EVI5: variants seen among roughly 807,000 people sequenced by gnomAD.
EVI5 encodes the protein ecotropic viral integration site 5.
In EVI5, 73 loss-of-function variants were observed where a neutral mutation model predicts 112.0. That is an observed-to-expected ratio of 0.65 (90% CI 0.54 to 0.79). The LOEUF (loss-of-function observed/expected upper bound fraction) is 0.79. EVI5 is among the 30% of genes least tolerant of loss of function. The probability of loss-of-function intolerance (pLI) is 0.00; values close to 1 mark genes in which losing one functional copy is unlikely to be tolerated. For missense variants in EVI5, 900 were observed against 968.8 expected, an observed-to-expected ratio of 0.93 and a Z score of 0.94; for synonymous variants, 305 against 319.9, an observed-to-expected ratio of 0.95 and a Z score of 0.50.
intron 18 of EVI5, among the ~76,000 whole-genome samples, chr1:92,594,317 A>G (rs1647192624): frequency 6.6e-6 from 1 of 152,108 alleles, no homozygotes. Flanking sequence ...AAATGAGGAA[A>G]GGATTCCCTG....
chr1:92,665,262 T>G (rs1267111674), intron 11 of EVI5, among the ~76,000 whole-genome samples: 3 of 152,162 alleles, frequency 2.0e-5, no homozygotes, highest in African/African-American at 7.2e-5. Context: ...TTCAGATGTC[T>G]TTCTTTTAAT....
At chr1:92,780,474 A>T (rs1175290436) in intron 1 of EVI5, among the ~76,000 whole-genome samples, 1 of 152,218 alleles carries the variant, frequency 6.6e-6, no homozygotes, top group Non-Finnish European at 1.5e-5. Context: ...TCAAAGTTGG[A>T]GAGCTTATAT....
Position 92,662,816 on chromosome 1 carries a change from C to T in EVI5, c.1295G>A (p.Arg432Gln), listed in dbSNP as rs1326416626. Residue 432 changes from arginine (R) to glutamine (Q), a missense_variant, in exon 13 of 20, where the codon CGG becomes CAG. Coordinates refer to ENST00000684568, the MANE Select transcript of EVI5 (RefSeq NM_001350197.2). The part of the protein sequence containing the change: ...QEAEENYLIK[R>Q]ELATIKQQSD... Reference sequence around the variant, plus strand: ...CTGCTGTTTGATGGTGGCCAACTCCCGTTTTATGAGGTAGTTTTCCTCAGC... The same window carrying T: ...CTGCTGTTTGATGGTGGCCAACTCCTGTTTTATGAGGTAGTTTTCCTCAGC... 4.7e-6 allele frequency: 6 copies of T among 1,289,228 alleles called. No individual in the cohort carries two copies. The highest frequency in any genetic ancestry group is 6.1e-6 in the Non-Finnish European group (6 of 988,700). 79.9% of individuals were successfully genotyped at this position (1,289,228 alleles called of 1,614,324 possible). A position where few individuals can be genotyped will look rare whatever the true frequency, so the allele number is the denominator to read the frequency against.
intron 1 of EVI5, among the ~76,000 whole-genome samples, chr1:92,790,758 G>T (rs908236659): frequency 6.6e-6 from 1 of 151,350 alleles, no homozygotes; most frequent in South Asian, 2.1e-4. Context: ...GGTGGAGGTT[G>T]CAGTGAGCTG....
chr1:92,695,206 A>T (rs1232495183), intron 7 of EVI5, 104 bp downstream of exon 7: 1 of 888,036 alleles, frequency 1.1e-6, no homozygotes, highest in East Asian at 2.5e-5. Context: ...GCAGTTTTGC[A>T]TGGGACACAT....
chr1:92,538,002 G>A (rs1046415074), intron 19 of EVI5, among the ~76,000 whole-genome samples: 2 of 151,934 alleles, frequency 1.3e-5, no homozygotes, highest in African/African-American at 4.8e-5. Flanking sequence ...AAGTAAAAAA[G>A]GTAGAAAGGA....
intron 16 of EVI5, among the ~76,000 whole-genome samples, chr1:92,616,067 G>A (rs544688005): frequency 1.4e-4 from 22 of 152,222 alleles, no homozygotes; most frequent in Non-Finnish European, 2.8e-4. Flanking sequence ...GTTGAAAGAC[G>A]GACTAGAAGA....
intron 19 of EVI5, among the ~76,000 whole-genome samples, chr1:92,558,985 T>C (rs1668101640): frequency 6.6e-6 from 1 of 152,146 alleles, no homozygotes; most frequent in African/African-American, 2.4e-5. Flanking sequence ...TCCCTCAGTA[T>C]CTGTGGGAGA....
At chr1:92,672,860 CAA>C (rs1666095633) in intron 10 of EVI5, among the ~76,000 whole-genome samples, 2 of 152,120 alleles carry the variant, frequency 1.3e-5, no homozygotes, top group Admixed American at 1.3e-4. Flanking sequence ...ACAAATATAT[CAA>C]AGTCTCTCTT....
intron 13 of EVI5, among the ~76,000 whole-genome samples, chr1:92,638,428 A>AAT (rs1414523948): frequency 5.3e-5 from 8 of 152,172 alleles, no homozygotes; most frequent in Non-Finnish European, 1.2e-4. Flanking sequence ...GAGTTTACAG[A>AAT]ATATAATTCC....
At chr1:92,515,265 A>G (rs1199635147) in intron 19 of EVI5, among the ~76,000 whole-genome samples, 5 of 152,222 alleles carry the variant, frequency 3.3e-5, no homozygotes, top group African/African-American at 7.2e-5. Context: ...TTAGTATTGA[A>G]AAAATTGTGC....
chr1:92,576,538 T>C (rs1459278064), intron 18 of EVI5, among the ~76,000 whole-genome samples: 1 of 144,322 alleles, frequency 6.9e-6, no homozygotes, highest in Non-Finnish European at 1.6e-5. Context: ...TCAAGAGAGA[T>C]AGCTAACAGG....
At chr1:92,726,947 C>T (rs141163849) in intron 2 of EVI5, among the ~76,000 whole-genome samples, 3 of 152,020 alleles carry the variant, frequency 2.0e-5, no homozygotes, top group Non-Finnish European at 2.9e-5. Flanking sequence ...TGAACTATAA[C>T]AAAATCATAA....
chr1:92,695,814 T>A (rs1414991920), intron 6 of EVI5, among the ~76,000 whole-genome samples: 3 of 152,212 alleles, frequency 2.0e-5, no homozygotes, highest in African/African-American at 7.2e-5. Flanking sequence ...AAATGGTATG[T>A]TAAAATACTT....
intron 13 of EVI5, among the ~76,000 whole-genome samples, chr1:92,645,001 T>C (rs1190386489): frequency 6.6e-6 from 1 of 152,188 alleles, no homozygotes; most frequent in Non-Finnish European, 1.5e-5. Context: ...AGGTACAGTG[T>C]TCCATAAATA....
intron 1 of EVI5, among the ~76,000 whole-genome samples, chr1:92,772,668 C>T (rs1019900737): frequency 6.6e-6 from 1 of 151,622 alleles, no homozygotes; most frequent in Non-Finnish European, 1.5e-5. Flanking sequence ...TTTGGGAGGG[C>T]GAGGCAGGTG....
In EVI5 at chr1:92,702,603, C is replaced by T. The variant is rs1011840480; in HGVS notation, c.565-388G>A. On this transcript the variant is annotated intron_variant, in intron 4 of 19. Transcript: ENST00000684568. ...GGCGGATCACCTGAGGCCAGGAGTT[C>T]GAGATCAGCCTGGCCAACATAGTGA... Among the ~76,000 whole-genome samples the T allele has an allele frequency of 7.9e-5, 12 of 151,756 alleles. No individual in the cohort carries two copies. In the East Asian group the frequency reaches 1.7e-3, roughly 22 times the overall value.
chr1:92,565,202 G>GT lies in EVI5; in HGVS notation c.2071-1466dup, dbSNP rs556006741. On this transcript the variant is annotated intron_variant, in intron 18 of 19. Coordinates refer to ENST00000684568, the MANE Select transcript of EVI5 (RefSeq NM_001350197.2). ...TTCATGGAGACAACAATTGTTAACA[G>GT]TTTTTTGGTGTAGTCTTTCCACGAT... 2.0e-4 allele frequency among the ~76,000 whole-genome samples: 30 copies of GT among 152,252 alleles called. No homozygotes were observed. In the South Asian group the frequency reaches 6.0e-3, roughly 31 times the overall value.
chr1:92,725,298 A>C (rs1010941918), intron 2 of EVI5, among the ~76,000 whole-genome samples: 13 of 152,208 alleles, frequency 8.5e-5, no homozygotes, highest in Non-Finnish European at 2.9e-5. Flanking sequence ...TGGAAAAGTT[A>C]CTGTTTCAAG....
Sources: allele counts gnomAD v4.1 joint callset (sites outside exome capture counted in the v4.1 genomes callset), GRCh38; gene constraint gnomAD v4.1.1; transcripts MANE v1.5; gene names NCBI Gene and HGNC (gene_info 2026-07-23, HGNC 2026-07-21).